The following ZNF461 variants were observed in gnomAD, a reference collection of about 807,000 sequenced individuals.
ZNF461 encodes the protein gonadotropin-inducible ovarian transcription factor-1.
Under a neutral mutation model 18.3 loss-of-function variants are expected in ZNF461, and 16 were observed. The ratio of observed to expected loss-of-function variants is 0.88; its 90% CI spans 0.59 to 1.33. The LOEUF (loss-of-function observed/expected upper bound fraction) is 1.33. Among genes scored for constraint, ZNF461 ranks in the 40% most tolerant of loss-of-function variants. The pLI is 0.00. For missense variants in ZNF461, 595 were observed against 669.9 expected (o/e 0.89, Z 1.23); for synonymous variants, 179 against 216.9 (o/e 0.83, Z 1.54).
intron 5 of ZNF461, among the ~76,000 whole-genome samples, chr19:36,641,517 GAAACAAAC>G (rs899696407): frequency 6.7e-6 from 1 of 150,046 alleles, no homozygotes; most frequent in Non-Finnish European, 1.5e-5. Flanking sequence ...GACTGTCTCA[GAAACAAAC>G]AAACAAACAA....
intron 4 of ZNF461, among the ~76,000 whole-genome samples, chr19:36,647,662 T>C (rs1224201718): frequency 1.3e-5 from 2 of 152,230 alleles, no homozygotes; most frequent in African/African-American, 4.8e-5. Flanking sequence ...AATTCTATTT[T>C]TAATGTTTTG....
intron 5 of ZNF461, among the ~76,000 whole-genome samples, chr19:36,641,561 A>G (rs1033877504): frequency 6.7e-6 from 1 of 149,292 alleles, no homozygotes; most frequent in African/African-American, 2.4e-5. Context: ...TATAATATAT[A>G]TATATGTTTT....
chr19:36,659,019 C>T (rs183357903), intron 2 of ZNF461, among the ~76,000 whole-genome samples: 33 of 152,230 alleles, frequency 2.2e-4, no homozygotes, highest in African/African-American at 5.3e-4. Flanking sequence ...CTATAGAATA[C>T]GGCAGAAGTG....
chr19:36,645,843 G>A (rs2037516627), intron 4 of ZNF461, among the ~76,000 whole-genome samples: 1 of 152,254 alleles, frequency 6.6e-6, no homozygotes, highest in South Asian at 2.1e-4. Context: ...GGAATGCAGT[G>A]GAGCGAACTC....
chr19:36,649,441 C>T (rs1341026322), intron 4 of ZNF461, among the ~76,000 whole-genome samples: 1 of 152,128 alleles, frequency 6.6e-6, no homozygotes, highest in Admixed American at 6.6e-5. Context: ...AGCAATTCTC[C>T]TGCCTCAGCT....
chr19:36,658,363 G>T lies in ZNF461; in HGVS notation c.72C>A (p.Asn24Lys). 1 of 1,611,626 alleles carries T rather than the reference G, an allele frequency of 6.2e-7. No homozygotes were observed. Among genetic ancestry groups the T allele is most frequent in the Non-Finnish European group, 8.5e-7 (1 of 1,178,702 alleles). ...CCTTGTACAAATTCCTCTGCGCTGG[G>T]TTCAGGCATTCCCATTCCTCCTGAG... ...DVSQEEWECL[N>K]PAQRNLYKEV... The change falls in exon 3 of 6, where the codon AAC becomes AAA. Residue 24 changes from asparagine (N) to lysine (K), a missense_variant. Transcript: ENST00000588268.
chr19:36,638,763 C>T lies in ZNF461; in HGVS notation c.1582G>A (p.Gly528Arg), dbSNP rs371711829. Reference sequence around the variant, plus strand: ...TGTAATCTATGATTAAACGCCTTCCCGCATTGATAAGGTTTCTTTCCAGAA... The same window carrying T: ...TGTAATCTATGATTAAACGCCTTCCTGCATTGATAAGGTTTCTTTCCAGAA... ...IHSGKKPYQC[G>R]KAFNHRLQLN... Residue 528 changes from glycine to arginine, a missense_variant, in exon 6 of 6, where the codon GGG becomes AGG. Physicochemically the swap from Gly to Arg is moderately radical, Grantham distance 125. Coordinates refer to ENST00000588268, the MANE Select transcript of ZNF461 (RefSeq NM_153257.5). The T allele has an allele frequency of 5.3e-5, 86 of 1,614,142 alleles. No individual in the cohort carries two copies. Among genetic ancestry groups the T allele is most frequent in the Middle Eastern group, 1.6e-4 (1 of 6,062 alleles).
chr19:36,655,581 T>G (rs962398137), intron 4 of ZNF461, among the ~76,000 whole-genome samples: 3 of 152,164 alleles, frequency 2.0e-5, no homozygotes, highest in African/African-American at 7.2e-5. Context: ...CCAGCCTGAG[T>G]GACAGAGTGA....
In ZNF461 at chr19:36,637,578, A is replaced by AG. The variant is rs2145352314; in HGVS notation, c.*1074dup. 1 of 208,168 alleles carries AG rather than the reference A, an allele frequency of 4.8e-6. No homozygotes were observed. The highest frequency in any genetic ancestry group is 2.4e-5 in the African/African-American group (1 of 42,170). 12.9% of individuals were successfully genotyped at this position (208,168 alleles called of 1,614,324 possible). ...GGGCATAGTGGCTGCGCATGCCTGTAGTCCCAGCTACTCAGGAGGCTGAGG... is the reference window on the plus strand; with the variant it reads ...GGGCATAGTGGCTGCGCATGCCTGTAGGTCCCAGCTACTCAGGAGGCTGAGG... On this transcript the variant is annotated 3_prime_UTR_variant, in exon 6 of 6. Coordinates refer to ENST00000588268, the MANE Select transcript of ZNF461 (RefSeq NM_153257.5).
At chr19:36,661,402 T>G (rs1044542128) in intron 2 of ZNF461, among the ~76,000 whole-genome samples, 1 of 151,746 alleles carries the variant, frequency 6.6e-6, no homozygotes, top group South Asian at 2.1e-4. Flanking sequence ...AACAAAGAGA[T>G]ATAGCAAATA....
chr19:36,657,772 C>T (rs1464778962), intron 3 of ZNF461: 3 of 152,168 alleles, frequency 2.0e-5, no homozygotes, highest in Non-Finnish European at 2.9e-5. Context: ...GAACGAAACT[C>T]CGTCTCAAAA....
intron 5 of ZNF461, among the ~76,000 whole-genome samples, chr19:36,641,257 T>C (rs187472394): frequency 6.6e-6 from 1 of 152,246 alleles, no homozygotes; most frequent in East Asian, 1.9e-4. Context: ...TGGTGGCTTA[T>C]ACCTGTAATC....
Position 36,658,212 on chromosome 19 carries a change from G to A in ZNF461, c.136+87C>T, listed in dbSNP as rs2037757297. 2.9e-6 allele frequency: 4 copies of A among 1,395,448 alleles called. No homozygotes were observed. The Admixed American group carries it at 9.5e-5, about 33-fold the overall frequency. 86.4% of individuals were successfully genotyped at this position (1,395,448 alleles called of 1,614,324 possible). A position where few individuals can be genotyped will look rare whatever the true frequency, so the allele number is the denominator to read the frequency against. ...TTGAAAGCTAGCCCTAAATTAATAGGGGGGAAAGCAGAAATTCCAAGAAGT... is the reference window on the plus strand; with the variant it reads ...TTGAAAGCTAGCCCTAAATTAATAGAGGGGAAAGCAGAAATTCCAAGAAGT... On this transcript the variant is annotated intron_variant, in intron 3 of 5. Coordinates refer to ENST00000588268, the MANE Select transcript of ZNF461 (RefSeq NM_153257.5).
At chr19:36,650,417 C>T (rs2037606121) in intron 4 of ZNF461, among the ~76,000 whole-genome samples, 2 of 152,026 alleles carry the variant, frequency 1.3e-5, no homozygotes, top group Non-Finnish European at 2.9e-5. Flanking sequence ...TCTGAATAGT[C>T]CTACAACTAT....
chr19:36,638,926 TATC>T lies in ZNF461; in HGVS notation c.1416_1418del (p.Met472del). 6.2e-7 allele frequency: 1 copy of T among 1,607,514 alleles called. No homozygotes were observed. Among genetic ancestry groups the T allele is most frequent in the Non-Finnish European group, 8.5e-7 (1 of 1,175,042 alleles). ...AATGAAGTCTAAAGGCCTTACCACA[TATC>T]ATGCATTCATGAGGTTTCTCACCAG... On this transcript the variant is annotated inframe_deletion, in exon 6 of 6. Coordinates refer to ENST00000588268, the MANE Select transcript of ZNF461 (RefSeq NM_153257.5).
intron 4 of ZNF461, among the ~76,000 whole-genome samples, 158 bp from the exon 5 acceptor site, chr19:36,644,020 C>T (rs2037476631): frequency 6.6e-6 from 1 of 152,178 alleles, no homozygotes; most frequent in Non-Finnish European, 1.5e-5. Context: ...GCAACCCCCG[C>T]CTACTGGGTT....
At chr19:36,661,741 A>G (rs1382184586) in intron 2 of ZNF461, among the ~76,000 whole-genome samples, 1 of 152,002 alleles carries the variant, frequency 6.6e-6, no homozygotes, top group Non-Finnish European at 1.5e-5. Context: ...TTCAGGCTAA[A>G]GAGAAATGAT....
rs1156266568 is a variant in ZNF461, at chr19:36,637,467, T to TG, written c.*1185dup. ...CGCCCGCCTCGGCCTCCCAAAGTGC[T>TG]GGGATTACAGGCATGAGCCACCAAG... On this transcript the variant is annotated 3_prime_UTR_variant, in exon 6 of 6. Transcript: ENST00000588268. The TG allele has an allele frequency of 6.5e-6, 1 of 153,634 alleles. No homozygotes were observed. Among genetic ancestry groups the TG allele is most frequent in the Non-Finnish European group, 1.4e-5 (1 of 69,012 alleles). 9.5% of individuals were successfully genotyped at this position (153,634 alleles called of 1,614,324 possible). A position where few individuals can be genotyped will look rare whatever the true frequency, so the allele number is the denominator to read the frequency against.
chr19:36,657,545 G>C (rs1429059157), intron 3 of ZNF461: 1 of 151,744 alleles, frequency 6.6e-6, no homozygotes, highest in Non-Finnish European at 1.5e-5. Flanking sequence ...TTGGGAGGCC[G>C]AAGCAGGTGG....
Sources: gnomAD v4.1 joint callset for allele counts (sites outside exome capture counted in the v4.1 genomes callset) on GRCh38, gnomAD v4.1.1 for gene constraint, MANE v1.5 for transcripts, NCBI Gene and HGNC (gene_info 2026-07-23, HGNC 2026-07-21) for gene names.